Variants in DOCK7 observed in about 807,000 individuals in gnomAD.
DOCK7 encodes the protein dedicator of cytokinesis protein 7.
Under a neutral mutation model 271.0 loss-of-function variants are expected in DOCK7, and 138 were observed. That is an observed-to-expected ratio of 0.51 (90% CI 0.44 to 0.59). The LOEUF (loss-of-function observed/expected upper bound fraction) is 0.59. Ranked by LOEUF, DOCK7 falls within the 20% of genes least tolerant of loss-of-function variation. The pLI is 0.00. For synonymous variants in DOCK7, 823 were observed against 876.1 expected (o/e 0.94, Z 1.07); for missense variants, 2,066 against 2,592.4 (o/e 0.80, Z 4.41).
intron 41 of DOCK7, 85 bp from the exon 42 acceptor site, chr1:62,489,150 A>C: frequency 7.6e-7 from 1 of 1,313,798 alleles, no homozygotes; most frequent in South Asian, 1.5e-5. Context: ...CAATATTTCT[A>C]TTAAGATAAT....
chr1:62,548,567 T>C (rs1367576697), intron 22 of DOCK7, among the ~76,000 whole-genome samples: 1 of 152,120 alleles, frequency 6.6e-6, no homozygotes, highest in East Asian at 1.9e-4. Context: ...ATTACAGGCA[T>C]GCACCACCAC....
intron 10 of DOCK7, 79 bp downstream of exon 10, chr1:62,633,418 TA>T: frequency 1.9e-6 from 2 of 1,080,702 alleles, no homozygotes; most frequent in Non-Finnish European, 2.8e-6. Context: ...CTATTGCATA[TA>T]AAATGCTATT....
chr1:62,646,678 C>T (rs570419767), intron 7 of DOCK7, among the ~76,000 whole-genome samples: 1 of 152,330 alleles, frequency 6.6e-6, no homozygotes, highest in South Asian at 2.1e-4. Context: ...TCTTTGACTT[C>T]TAGCCTCTAC....
At chr1:62,597,636 T>C (rs751955393) in intron 14 of DOCK7, 7 of 1,613,318 alleles carry the variant, frequency 4.3e-6, no homozygotes, top group Non-Finnish European at 5.9e-6. Context: ...TCAAGACAAT[T>C]CATCATTTGA....
At chr1:62,635,995 G>A (rs1412686844) in intron 8 of DOCK7, among the ~76,000 whole-genome samples, 2 of 152,166 alleles carry the variant, frequency 1.3e-5, no homozygotes, top group African/African-American at 2.4e-5. Context: ...TGACACGCCT[G>A]TAATCCCAGC....
At chr1:62,649,830 G>A (rs972204141) in intron 4 of DOCK7, among the ~76,000 whole-genome samples, 1 of 152,044 alleles carries the variant, frequency 6.6e-6, no homozygotes, top group Non-Finnish European at 1.5e-5. Context: ...TTTCAATATG[G>A]AGCCTTAGCA....
intron 34 of DOCK7, among the ~76,000 whole-genome samples, chr1:62,509,128 C>G (rs1644403725): frequency 6.6e-6 from 1 of 151,760 alleles, no homozygotes; most frequent in Non-Finnish European, 1.5e-5. Context: ...AAGAGACCAG[C>G]CTGCACAACA....
intron 18 of DOCK7, among the ~76,000 whole-genome samples, chr1:62,573,170 AT>A (rs1284923052): frequency 6.6e-6 from 1 of 152,184 alleles, no homozygotes; most frequent in African/African-American, 2.4e-5. Context: ...TGTGTCTACA[AT>A]TTTAATAAAG....
At chr1:62,586,408 C>A in intron 15 of DOCK7, 99 bp downstream of exon 15, 1 of 778,414 alleles carries the variant, frequency 1.3e-6, no homozygotes, top group Non-Finnish European at 2.0e-6. Context: ...TTTAAAAGAT[C>A]ACATTAATTT....
In DOCK7 at chr1:62,506,624, C is replaced by A. The variant is rs569470543; in HGVS notation, c.4477-808G>T. Reference sequence around the variant, plus strand: ...TAGCTAGGATTACAGGTGTGCGCCACCACACCCAGCTAATTTTTTTATTTT... The same window carrying A: ...TAGCTAGGATTACAGGTGTGCGCCAACACACCCAGCTAATTTTTTTATTTT... On this transcript the variant is annotated intron_variant, in intron 35 of 49. Coordinates refer to ENST00000635253, the MANE Select transcript of DOCK7 (RefSeq NM_001367561.1). Among the ~76,000 whole-genome samples, 249 of 151,998 alleles carry A rather than the reference C, an allele frequency of 1.6e-3. 1 individual carries two copies. The highest frequency in any genetic ancestry group is 3.1e-3 in the Non-Finnish European group (211 of 67,996).
intron 12 of DOCK7, among the ~76,000 whole-genome samples, chr1:62,624,909 T>C (rs1460101546): frequency 1.3e-5 from 2 of 151,724 alleles, no homozygotes; most frequent in African/African-American, 4.8e-5. Flanking sequence ...GAGGCGGAGG[T>C]TGCAGTGAGC....
At chr1:62,598,043 A>C in intron 14 of DOCK7, 1 of 1,586,290 alleles carries the variant, frequency 6.3e-7, no homozygotes, top group Non-Finnish European at 8.5e-7. Context: ...CAGAACACCC[A>C]GAAGTAACTT....
At chr1:62,629,483 A>G (rs1654353597) in intron 11 of DOCK7, 1 of 152,198 alleles carries the variant, frequency 6.6e-6, no homozygotes, top group African/African-American at 2.4e-5. Flanking sequence ...GCCACAAAAG[A>G]CTACATATTA....
chr1:62,607,003 T>C (rs866218304), intron 14 of DOCK7, among the ~76,000 whole-genome samples: 1 of 151,922 alleles, frequency 6.6e-6, no homozygotes, highest in South Asian at 2.1e-4. Context: ...AGGTCAGGAG[T>C]CTGACCAGCC....
intron 1 of DOCK7, among the ~76,000 whole-genome samples, chr1:62,680,113 C>A (rs1199521174): frequency 2.0e-5 from 3 of 152,170 alleles, no homozygotes; most frequent in African/African-American, 7.2e-5. Context: ...AAGCTGGAGG[C>A]ATCATGCTAC....
At chr1:62,633,069 C>T (rs1654818631) in intron 10 of DOCK7, among the ~76,000 whole-genome samples, 1 of 151,894 alleles carries the variant, frequency 6.6e-6, no homozygotes, top group Admixed American at 6.6e-5. Flanking sequence ...TACTATATTC[C>T]TTAATAATCT....
At chr1:62,550,719 A>ATT (rs11343278) in intron 22 of DOCK7, among the ~76,000 whole-genome samples, 6 of 143,276 alleles carry the variant, frequency 4.2e-5, no homozygotes, top group East Asian at 2.1e-4. Context: ...AATGGGAGTA[A>ATT]TTTTTTTTTT....
chr1:62,625,089 T>C, intron 12 of DOCK7, 170 bp downstream of exon 12: 1 of 512,800 alleles, frequency 2.0e-6, no homozygotes, highest in Non-Finnish European at 3.3e-6. Context: ...ATAGGAACAA[T>C]ATAAATCGTT....
At chr1:62,598,746 G>A (rs777827120) in intron 14 of DOCK7, 1 of 1,611,266 alleles carries the variant, frequency 6.2e-7, no homozygotes, top group Admixed American at 1.7e-5. Context: ...TCCAGACCGT[G>A]GAAGACCAAT....
Sources: allele counts gnomAD v4.1 joint callset (sites outside exome capture counted in the v4.1 genomes callset), GRCh38; gene constraint gnomAD v4.1.1; transcripts MANE v1.5; gene names NCBI Gene and HGNC (gene_info 2026-07-23, HGNC 2026-07-21).